EZR: variants seen among roughly 807,000 people sequenced by gnomAD.
The protein encoded by EZR is ezrin, also known as cytovillin 2.
EZR carries 40 observed loss-of-function variants against 74.8 expected under a neutral mutation model. The observed-to-expected ratio is 0.53, with a 90% CI of 0.42 to 0.70. The LOEUF (loss-of-function observed/expected upper bound fraction) is 0.70. Among genes scored for constraint, EZR ranks in the 30% least tolerant of loss-of-function variants. The pLI, the probability that EZR is intolerant of heterozygous loss-of-function variation, is 0.00. For missense variants in EZR, 678 were observed against 755.8 expected, an observed-to-expected ratio of 0.90 and a Z score of 1.21; for synonymous variants, 341 against 283.3, an observed-to-expected ratio of 1.20 and a Z score of -2.05.
At chr6:158,777,198 G>A (rs1245980391) in intron 7 of EZR, among the ~76,000 whole-genome samples, 2 of 152,214 alleles carry the variant, frequency 1.3e-5, no homozygotes, top group African/African-American at 4.8e-5. Context: ...TCCTAGACGT[G>A]CCATACTCAA....
rs963735436 is a variant in EZR at position 158,767,020 on chromosome 6, A to T, written c.1655T>A (p.Ile552Asn). The change falls in exon 14 of 14, where the codon ATC becomes AAC. Residue 552 changes from isoleucine to asparagine, a missense_variant. Ile to Asn is a moderately radical substitution (Grantham distance 149). Transcript: ENST00000367075. ...RDENKRTHND[I>N]IHNENMRQGR... Reference sequence around the variant, plus strand: ...TTGCCTCATGTTCTCGTTGTGGATGATGTCATTGTGGGTCCTCTTATTCTC... The same window carrying T: ...TTGCCTCATGTTCTCGTTGTGGATGTTGTCATTGTGGGTCCTCTTATTCTC... 5.0e-6 allele frequency: 8 copies of T among 1,614,084 alleles called. No individual in the cohort carries two copies. The highest frequency in any genetic ancestry group is 3.3e-5 in the Admixed American group (2 of 60,026).
intron 2 of EZR, among the ~76,000 whole-genome samples, chr6:158,806,190 G>A (rs1777335447): frequency 6.6e-6 from 1 of 152,182 alleles, no homozygotes; most frequent in Admixed American, 6.5e-5. Context: ...CATTTGATGA[G>A]ATCAAATCAG....
At chr6:158,818,446 G>A (rs147596021) in intron 1 of EZR, among the ~76,000 whole-genome samples, 10,658 of 151,344 alleles carry the variant, frequency 0.07, 431 homozygotes, top group Middle Eastern at 0.13. Flanking sequence ...TGGGTCCGAG[G>A]AGAGGGGGTG....
Position 158,785,604 on chromosome 6 carries a change from T to C in EZR, c.193-21A>G, listed in dbSNP as rs559527182. The C allele has an allele frequency of 4.4e-6, 7 of 1,608,086 alleles. No homozygotes were observed. In the Admixed American group the frequency reaches 8.4e-5, roughly 19 times the overall value. On this transcript the variant is annotated intron_variant, in intron 4 of 13. Transcript: ENST00000367075. ...GACACCTGCACGAAACAAGCCACAC[T>C]CTCCACACAAATCCGGAAGACGAAG...
chr6:158,774,672 A>ACACAC (rs1791216343), intron 8 of EZR, among the ~76,000 whole-genome samples: 23 of 142,516 alleles, frequency 1.6e-4, no homozygotes, highest in East Asian at 8.7e-4. Flanking sequence ...CTTATCATCA[A>ACACAC]ACACACACAC....
At chr6:158,810,789 A>C (rs1777436976) in intron 2 of EZR, among the ~76,000 whole-genome samples, 1 of 152,222 alleles carries the variant, frequency 6.6e-6, no homozygotes, top group African/African-American at 2.4e-5. Context: ...GGGAAACACA[A>C]AAGAAACACA....
At chr6:158,796,515 T>A (rs1051560127) in intron 2 of EZR, among the ~76,000 whole-genome samples, 1 of 152,240 alleles carries the variant, frequency 6.6e-6, no homozygotes, top group Non-Finnish European at 1.5e-5. Context: ...TCTGTGAGCA[T>A]CTTCCAGCTC....
intron 2 of EZR, among the ~76,000 whole-genome samples, chr6:158,803,564 T>C (rs13204772): frequency 0.012 from 61 of 4,966 alleles, 3 homozygotes; most frequent in African/African-American, 0.045. Flanking sequence ...TATATATATA[T>C]ATATATATAT....
chr6:158,815,417 AG>A (rs796773521), intron 2 of EZR, among the ~76,000 whole-genome samples: 5 of 152,354 alleles, frequency 3.3e-5, no homozygotes, highest in African/African-American at 1.2e-4. Flanking sequence ...AAGAGGGGGC[AG>A]GGAGAAATTT....
chr6:158,813,407 C>T (rs1777488645), intron 2 of EZR, among the ~76,000 whole-genome samples: 1 of 152,216 alleles, frequency 6.6e-6, no homozygotes, highest in Non-Finnish European at 1.5e-5. Context: ...TGTAAATCCA[C>T]TGACAGGGAC....
chr6:158,769,047 A>G (rs1323905865), intron 12 of EZR, among the ~76,000 whole-genome samples: 2 of 152,168 alleles, frequency 1.3e-5, no homozygotes, highest in Non-Finnish European at 2.9e-5. Context: ...GGGTGGAGGG[A>G]GCAAAGTGGG....
chr6:158,816,382 A>C (rs1777554559), intron 2 of EZR, among the ~76,000 whole-genome samples: 1 of 152,268 alleles, frequency 6.6e-6, no homozygotes, highest in Non-Finnish European at 1.5e-5. Context: ...ATGAGAAATG[A>C]GAAAGAAAAG....
chr6:158,802,957 A>G (rs955670967), intron 2 of EZR, among the ~76,000 whole-genome samples: 2 of 151,148 alleles, frequency 1.3e-5, no homozygotes, highest in African/African-American at 4.9e-5. Context: ...ACAGGGAAGC[A>G]GGAACTCATT....
intron 2 of EZR, among the ~76,000 whole-genome samples, chr6:158,807,763 A>G (rs1287650596): frequency 6.6e-6 from 1 of 152,110 alleles, no homozygotes; most frequent in African/African-American, 2.4e-5. Flanking sequence ...CCTGCAATAT[A>G]AGCTTCTTGA....
intron 7 of EZR, among the ~76,000 whole-genome samples, chr6:158,780,475 C>T (rs1488691151): frequency 1.3e-5 from 2 of 152,076 alleles, no homozygotes; most frequent in African/African-American, 4.8e-5. Flanking sequence ...GGAGTGCATA[C>T]GGAAAGAGAC....
intron 2 of EZR, among the ~76,000 whole-genome samples, chr6:158,794,823 TGG>T (rs1362121297): frequency 6.6e-6 from 1 of 152,214 alleles, no homozygotes; most frequent in Non-Finnish European, 1.5e-5. Context: ...TTGGGGGTGT[TGG>T]TGGTGATTTA....
At chr6:158,790,678 CA>C (rs199947350) in intron 2 of EZR, among the ~76,000 whole-genome samples, 2 of 107,228 alleles carry the variant, frequency 1.9e-5, no homozygotes, top group East Asian at 4.0e-4. Context: ...CATCTCAAAA[CA>C]AACAAACAAA....
intron 2 of EZR, among the ~76,000 whole-genome samples, chr6:158,796,697 G>T (rs1051820041): frequency 6.6e-6 from 1 of 152,226 alleles, no homozygotes; most frequent in African/African-American, 2.4e-5. Flanking sequence ...GTTAAGGTGG[G>T]GTTTTCTGTT....
intron 2 of EZR, among the ~76,000 whole-genome samples, chr6:158,798,193 T>C (rs1777113129): frequency 7.7e-6 from 1 of 129,798 alleles, no homozygotes; most frequent in South Asian, 2.5e-4. Flanking sequence ...GAATATTCCA[T>C]TGTGTGGCTG....
Sources: gnomAD v4.1 joint callset for allele counts (sites outside exome capture counted in the v4.1 genomes callset) on GRCh38, gnomAD v4.1.1 for gene constraint, MANE v1.5 for transcripts, NCBI Gene and HGNC (gene_info 2026-07-23, HGNC 2026-07-21) for gene names.